Variants in CLVS1 observed in about 807,000 individuals in gnomAD.
CLVS1 encodes the protein clavesin 1.
A neutral mutation model predicts 33.1 loss-of-function variants in CLVS1; 10 were observed. That is an observed-to-expected ratio of 0.30 (90% confidence interval 0.19 to 0.51). CLVS1 has a LOEUF of 0.51. Among genes scored for constraint, CLVS1 ranks in the 20% least tolerant of loss-of-function variants. The pLI is 0.97. For missense variants in CLVS1, 343 were observed against 433.4 expected (o/e 0.79, Z 1.85); for synonymous variants, 163 against 166.1 (o/e 0.98, Z 0.14).
chr8:61,465,946 A>T (rs973642125), intron 5 of CLVS1: 9 of 152,392 alleles, frequency 5.9e-5, no homozygotes, highest in African/African-American at 2.2e-4. Flanking sequence ...TACAGGCGTG[A>T]GCCACCATGC....
At position 61,334,093 on chromosome 8, in the gene CLVS1, G is replaced by A. The variant is rs150689657; in HGVS notation, c.455+33811G>A. Among the ~76,000 whole-genome samples, 554 of 152,294 alleles carry A rather than the reference G, an allele frequency of 3.6e-3. 4 individuals are homozygous for A. The highest frequency in any genetic ancestry group is 0.012 in the African/African-American group (514 of 41,566). ...ATATGTACCACATTTTCTTTATGCA[G>A]TCTATCACTGATGGACATTTAGGTT... On this transcript the variant is annotated intron_variant, in intron 2 of 5. Transcript: ENST00000325897.
At position 61,376,729 on chromosome 8, in the gene CLVS1, G is replaced by A. The variant is rs551078087; in HGVS notation, c.580G>A (p.Ala194Thr). The A allele has an allele frequency of 6.2e-7, 1 of 1,614,104 alleles. No individual in the cohort carries two copies. The highest frequency in any genetic ancestry group is 1.1e-5 in the South Asian group (1 of 91,078). ...CTGGAGTAATTTTTCCTTCAAACAA[G>A]CCTCCAAACTGACACCTTCAATCCT... ...IDWSNFSFKQASKLTPSILKL... is the reference protein window; with the variant it reads ...IDWSNFSFKQTSKLTPSILKL... Residue 194 changes from alanine (A) to threonine (T), a missense_variant, in exon 3 of 6, where the codon GCC (alanine) becomes ACC (threonine). Physicochemically the swap from Ala to Thr is moderately conservative, Grantham distance 58 (BLOSUM62 0). Coordinates refer to ENST00000325897, the MANE Select transcript of CLVS1 (RefSeq NM_173519.3).
chr8:61,410,695 G>A (rs949718969), intron 3 of CLVS1, among the ~76,000 whole-genome samples: 1 of 152,100 alleles, frequency 6.6e-6, no homozygotes, highest in Non-Finnish European at 1.5e-5. Flanking sequence ...CGGCTGGAGT[G>A]CAGTGGCATA....
Position 61,457,329 on chromosome 8 carries a change from T to C in CLVS1, c.742-978T>C, listed in dbSNP as rs1817204869. ...CTATACTTGGGTGCACCTTATGTGT[T>C]ACACATAATTACTTTATGCCTGCAA... On this transcript the variant is annotated intron_variant, in intron 4 of 5. Transcript: ENST00000325897. 2.0e-5 allele frequency among the ~76,000 whole-genome samples: 3 copies of C among 152,148 alleles called. No homozygotes were observed. In the South Asian group the frequency reaches 6.2e-4, roughly 32 times the overall value.
intron 2 of CLVS1, among the ~76,000 whole-genome samples, chr8:61,348,680 C>T (rs888188552): frequency 3.9e-5 from 6 of 151,952 alleles, no homozygotes; most frequent in African/African-American, 7.3e-5. Context: ...CCTCAGTGAA[C>T]GTGGGAGTGC....
intron 2 of CLVS1, among the ~76,000 whole-genome samples, chr8:61,150,623 CT>C (rs1474234121): frequency 6.6e-6 from 1 of 152,198 alleles, no homozygotes; most frequent in Non-Finnish European, 1.5e-5. Flanking sequence ...GCTTCCTCTA[CT>C]GCTTCAGGGG....
chr8:61,430,338 A>G (rs1038729130), intron 3 of CLVS1, among the ~76,000 whole-genome samples: 1 of 152,216 alleles, frequency 6.6e-6, no homozygotes, highest in Non-Finnish European at 1.5e-5. Context: ...TTTTCTTTAC[A>G]TAGTGGAGTA....
intron 2 of CLVS1, among the ~76,000 whole-genome samples, chr8:61,352,254 T>C (rs1309598742): frequency 3.3e-5 from 5 of 151,984 alleles, no homozygotes; most frequent in African/African-American, 4.8e-5. Context: ...ACTATGAATA[T>C]CATGTAAAGA....
At chr8:60,975,867 G>T in the CLVS1 span, among the ~76,000 whole-genome samples, 15 of 152,190 alleles carry the variant, frequency 9.9e-5, no homozygotes, top group Admixed American at 9.8e-4. Flanking sequence ...GAACTTAAAT[G>T]ATGTGAAAGT....
At chr8:61,108,639 G>A (rs1252655136) in intron 1 of CLVS1, among the ~76,000 whole-genome samples, 3 of 152,098 alleles carry the variant, frequency 2.0e-5, no homozygotes, top group Non-Finnish European at 4.4e-5. Flanking sequence ...ACCCAACCAC[G>A]CTAAATATGA....
chr8:61,288,290 A>ACCCCGCT (rs1809847247), intron 1 of CLVS1, 152 bp downstream of exon 1: 1 of 455,240 alleles, frequency 2.2e-6, no homozygotes, highest in Admixed American at 2.4e-5. Context: ...CCCGCACCGC[A>ACCCCGCT]CCCCGCTCCC....
chr8:61,081,986 T>C (rs6471914), intron 1 of CLVS1, among the ~76,000 whole-genome samples: 72,742 of 152,034 alleles, frequency 0.48, 19,423 homozygotes, highest in African/African-American at 0.72. Context: ...GAACCAGACT[T>C]ATATATGGCA....
intron 2 of CLVS1, among the ~76,000 whole-genome samples, chr8:61,157,770 T>C (rs1213934605): frequency 1.3e-5 from 2 of 151,862 alleles, no homozygotes; most frequent in African/African-American, 4.8e-5. Context: ...GATATACAAA[T>C]GGCAGTAAAC....
chr8:61,463,338 A>G (rs1817436233), intron 5 of CLVS1, among the ~76,000 whole-genome samples: 1 of 86,400 alleles, frequency 1.2e-5, no homozygotes, highest in Non-Finnish European at 3.7e-5. Flanking sequence ...CTTTCTTAGC[A>G]TTTGTGTGTT....
At chr8:61,400,633 A>T (rs2129603532) in intron 3 of CLVS1, among the ~76,000 whole-genome samples, 1 of 152,306 alleles carries the variant, frequency 6.6e-6, no homozygotes, top group East Asian at 1.9e-4. Flanking sequence ...GTATGCTTCC[A>T]GCTTTTGCCC....
At chr8:61,356,824 A>G (rs183961805) in intron 2 of CLVS1, among the ~76,000 whole-genome samples, 1 of 152,068 alleles carries the variant, frequency 6.6e-6, no homozygotes, top group South Asian at 2.1e-4. Context: ...TAGCCTTGTA[A>G]TATAGTTTGA....
intron 3 of CLVS1, among the ~76,000 whole-genome samples, chr8:61,451,262 A>AG (rs1585992578): frequency 6.6e-6 from 1 of 152,196 alleles, no homozygotes; most frequent in East Asian, 1.9e-4. Context: ...GTAGGATTAT[A>AG]GGGGCTTTTT....
chr8:61,016,261 C>A, the CLVS1 span, among the ~76,000 whole-genome samples: 3 of 152,214 alleles, frequency 2.0e-5, no homozygotes, highest in Non-Finnish European at 2.9e-5. Flanking sequence ...CCCAGAAATG[C>A]AAAGTACTTC....
chr8:61,096,524 C>T (rs1338933870), intron 1 of CLVS1, among the ~76,000 whole-genome samples: 3 of 152,170 alleles, frequency 2.0e-5, no homozygotes, highest in Non-Finnish European at 4.4e-5. Context: ...CTCTAAGACT[C>T]ATATAGTAAA....
Sources: gnomAD v4.1 joint callset for allele counts (sites outside exome capture counted in the v4.1 genomes callset) on GRCh38, gnomAD v4.1.1 for gene constraint, MANE v1.5 for transcripts, NCBI Gene and HGNC (gene_info 2026-07-23, HGNC 2026-07-21) for gene names.